Variants in UTP18 observed in about 807,000 individuals in gnomAD.
UTP18 encodes the protein UTP18 small subunit processome component.
A neutral mutation model predicts 61.1 loss-of-function variants in UTP18; 36 were observed. The ratio of observed to expected loss-of-function variants is 0.59; its 90% CI spans 0.45 to 0.78. The LOEUF (loss-of-function observed/expected upper bound fraction) is 0.78, where lower values mean the gene tolerates loss of function less well. Ranked by LOEUF, UTP18 falls within the 30% of genes least tolerant of loss-of-function variation. The probability of loss-of-function intolerance (pLI) is 0.00; values close to 1 mark genes in which losing one functional copy is unlikely to be tolerated. For missense variants in UTP18, 753 were observed against 693.9 expected, an observed-to-expected ratio of 1.09 and a Z score of -0.96; for synonymous variants, 282 against 251.1, an observed-to-expected ratio of 1.12 and a Z score of -1.16.
chr17:51,276,861 C>A (rs931001545), intron 6 of UTP18, among the ~76,000 whole-genome samples: 1 of 152,214 alleles, frequency 6.6e-6, no homozygotes, highest in African/African-American at 2.4e-5. Flanking sequence ...GAGCGTGGAG[C>A]TTCCGTGCCT....
chr17:51,288,811 G>T (rs1286333571), intron 11 of UTP18, among the ~76,000 whole-genome samples: 9 of 152,116 alleles, frequency 5.9e-5, no homozygotes, highest in Non-Finnish European at 1.2e-4. Flanking sequence ...AAAGGGAAAG[G>T]GTACATGGAG....
chr17:51,283,868 G>A (rs980888872), intron 9 of UTP18, among the ~76,000 whole-genome samples: 2 of 152,004 alleles, frequency 1.3e-5, no homozygotes, highest in East Asian at 3.9e-4. Flanking sequence ...ACCTGCCTTG[G>A]CCTCCCAAAG....
At chr17:51,273,230 T>TA (rs1030590896) in intron 4 of UTP18, 132 bp from the exon 5 acceptor site, 59 of 529,658 alleles carry the variant, frequency 1.1e-4, no homozygotes, top group Non-Finnish European at 1.5e-4. Flanking sequence ...GTTGCAGCTT[T>TA]AAAAAAAGCA....
intron 4 of UTP18, 124 bp from the exon 5 acceptor site, chr17:51,273,235 AAAG>A (rs1904588882): frequency 1.8e-6 from 1 of 562,768 alleles, no homozygotes; most frequent in African/African-American, 1.9e-5. Context: ...AGCTTTAAAA[AAAG>A]CAATTGAGGT....
rs1018093219 is a variant in UTP18 at position 51,297,153 on chromosome 17, G to C, written c.*14+150G>C. On this transcript the variant is annotated intron_variant, in intron 13 of 13. Coordinates refer to ENST00000225298, the MANE Select transcript of UTP18 (RefSeq NM_016001.3). ...GAGGGGTGGGTTGGAAGTAGATCAG[G>C]AACTGTCTAGCTGAAGTTGGACCCT... 2.3e-5 allele frequency: 15 copies of C among 663,822 alleles called. No individual in the cohort carries two copies. In the African/African-American group the frequency reaches 2.5e-4, roughly 11 times the overall value. The allele number at this position is 663,822 out of a possible 1,614,324, so 41.1% of individuals were successfully genotyped here.
chr17:51,260,950 G>T (rs953725339), intron 1 of UTP18, 24 bp downstream of exon 1: 2 of 1,497,696 alleles, frequency 1.3e-6, no homozygotes. Context: ...CGGCGCGCGG[G>T]CTGGGCGCAC....
intron 7 of UTP18, among the ~76,000 whole-genome samples, chr17:51,279,081 T>C (rs1212508894): frequency 6.6e-6 from 1 of 152,178 alleles, no homozygotes; most frequent in Admixed American, 6.5e-5. Flanking sequence ...TATTGTAACT[T>C]AGTAACTTAA....
In UTP18 at chr17:51,290,555, G is replaced by A. The variant is rs530021648; in HGVS notation, c.1503+2352G>A. 2.4e-4 allele frequency among the ~76,000 whole-genome samples: 37 copies of A among 152,296 alleles called. No homozygotes were observed. In the South Asian group the frequency reaches 6.6e-3, roughly 27 times the overall value. ...AATTCAAGTCAGCTTTAAAATCCCTGCTCCCTAATGGGAGTGGTATACTAG... is the reference window on the plus strand; with the variant it reads ...AATTCAAGTCAGCTTTAAAATCCCTACTCCCTAATGGGAGTGGTATACTAG... On this transcript the variant is annotated intron_variant, in intron 11 of 13. Coordinates refer to ENST00000225298, the MANE Select transcript of UTP18 (RefSeq NM_016001.3).
chr17:51,285,730 C>A (rs974921071), intron 10 of UTP18, among the ~76,000 whole-genome samples: 2 of 152,190 alleles, frequency 1.3e-5, no homozygotes, highest in Non-Finnish European at 2.9e-5. Context: ...TAGTCTGTTA[C>A]TATGCCTAAT....
intron 5 of UTP18, among the ~76,000 whole-genome samples, chr17:51,274,466 G>A (rs1458550726): frequency 2.6e-5 from 4 of 152,096 alleles, no homozygotes; most frequent in African/African-American, 9.7e-5. Flanking sequence ...TTTTGAGACA[G>A]AGTTTTGCTC....
At chr17:51,268,761 A>T in intron 3 of UTP18, 76 bp from the exon 4 acceptor site, 2 of 1,211,398 alleles carry the variant, frequency 1.7e-6, no homozygotes, top group Non-Finnish European at 2.4e-6. Flanking sequence ...GATTCAACGT[A>T]TATGCTTTAA....
At chr17:51,264,038 T>C (rs959582653) in intron 2 of UTP18, among the ~76,000 whole-genome samples, 11 of 152,044 alleles carry the variant, frequency 7.2e-5, no homozygotes, top group African/African-American at 2.2e-4. Context: ...CTTTTTTTTT[T>C]TTTAATTATT....
chr17:51,260,665 G>A lies in UTP18; in HGVS notation c.81G>A (p.Pro27=), dbSNP rs745375002. The change falls in exon 1 of 14, where the codon CCG becomes CCA. Residue 27 remains proline (P), a synonymous_variant. Coordinates refer to ENST00000225298, the MANE Select transcript of UTP18 (RefSeq NM_016001.3). ...CGAAGCGGAAGCCCGGAATGAGGCC[G>A]GACTGGAAAGCCGGAGCGGGGCCAG... The part of the protein sequence containing the change: ...AKPKRKPGMR[P]DWKAGAGPGG... 7 of 1,611,732 alleles carry A rather than the reference G, an allele frequency of 4.3e-6. No homozygotes were observed. Among genetic ancestry groups the A allele is most frequent in the South Asian group, 2.2e-5 (2 of 90,962 alleles).
At chr17:51,283,391 C>G (rs1201820892) in intron 9 of UTP18, among the ~76,000 whole-genome samples, 1 of 152,096 alleles carries the variant, frequency 6.6e-6, no homozygotes, top group Non-Finnish European at 1.5e-5. Flanking sequence ...TGGTCTTGAA[C>G]TACTGACCTC....
At chr17:51,276,426 G>C (rs75888437) in intron 6 of UTP18, among the ~76,000 whole-genome samples, 4,755 of 152,298 alleles carry the variant, frequency 0.031, 165 homozygotes, top group African/African-American at 0.08. Flanking sequence ...AGATTGAGAA[G>C]TGAAGAATAT....
intron 2 of UTP18, 102 bp downstream of exon 2, chr17:51,263,488 A>G: frequency 1.1e-6 from 1 of 896,478 alleles, no homozygotes; most frequent in South Asian, 1.7e-5. Flanking sequence ...TTATGTGAAG[A>G]TTTGAAAAAT....
chr17:51,268,974 C>T lies in UTP18; in HGVS notation c.622+70C>T. On this transcript the variant is annotated intron_variant, in intron 4 of 13. Transcript: ENST00000225298. ...TCCTGTTCGTTATTATTTGAGCTTT[C>T]TTATGAGGCTCATTAAAACCTGGCA... 1.4e-6 allele frequency: 2 copies of T among 1,466,258 alleles called. 1 individual carries two copies. Among genetic ancestry groups the T allele is most frequent in the South Asian group, 2.3e-5 (2 of 86,712 alleles). 90.8% of individuals were successfully genotyped at this position (1,466,258 alleles called of 1,614,324 possible).
chr17:51,293,781 T>G, intron 11 of UTP18, 122 bp from the exon 12 acceptor site: 1 of 841,614 alleles, frequency 1.2e-6, no homozygotes, highest in Non-Finnish European at 1.7e-6. Flanking sequence ...AGACTGTACT[T>G]TCTTGTGTGC....
At chr17:51,263,681 A>T (rs746930118) in intron 2 of UTP18, among the ~76,000 whole-genome samples, 2 of 152,200 alleles carry the variant, frequency 1.3e-5, no homozygotes, top group Non-Finnish European at 2.9e-5. Context: ...CTAATTGACC[A>T]TGGGCAGTTT....
Sources: gnomAD v4.1 joint callset for allele counts (sites outside exome capture counted in the v4.1 genomes callset) on GRCh38, gnomAD v4.1.1 for gene constraint, MANE v1.5 for transcripts, NCBI Gene and HGNC (gene_info 2026-07-23, HGNC 2026-07-21) for gene names.